LINGO2: variants seen among roughly 807,000 people sequenced by gnomAD.
LINGO2 encodes the protein leucine rich repeat and Ig domain containing 2.
In LINGO2, 14 loss-of-function variants were observed where a neutral mutation model predicts 30.6. That is an observed-to-expected ratio of 0.46 (90% CI 0.30 to 0.72). LINGO2 has a LOEUF of 0.72. Among genes scored for constraint, LINGO2 ranks in the 30% least tolerant of loss-of-function variants. The probability of loss-of-function intolerance (pLI) is 0.07; values close to 1 mark genes in which losing one functional copy is unlikely to be tolerated. For missense variants in LINGO2, 729 were observed against 751.7 expected, an observed-to-expected ratio of 0.97 and a Z score of 0.35; for synonymous variants, 317 against 288.5, an observed-to-expected ratio of 1.10 and a Z score of -1.00.
At chr9:29,047,903 A>T in the LINGO2 span, among the ~76,000 whole-genome samples, 3 of 150,644 alleles carry the variant, frequency 2.0e-5, no homozygotes, top group African/African-American at 7.3e-5. Flanking sequence ...GAGGAGTTTG[A>T]GACCAGCCTG....
intron 1 of LINGO2, among the ~76,000 whole-genome samples, chr9:28,496,942 T>C (rs1319335943): frequency 2.6e-5 from 4 of 152,300 alleles, no homozygotes; most frequent in African/African-American, 9.6e-5. Flanking sequence ...GGATATGAAA[T>C]TCTGGGTTGA....
the LINGO2 span, chr9:28,889,048 T>A: frequency 2.4e-6 from 1 of 416,700 alleles, no homozygotes; most frequent in Admixed American, 2.6e-5. Flanking sequence ...CCCTGGAGTA[T>A]CTTCAGCAGC....
chr9:28,811,459 A>T, the LINGO2 span, among the ~76,000 whole-genome samples: 1 of 152,138 alleles, frequency 6.6e-6, no homozygotes, highest in Non-Finnish European at 1.5e-5. Context: ...ATTATCGAAT[A>T]TCTTCTTATT....
the LINGO2 span, among the ~76,000 whole-genome samples, chr9:28,875,351 T>C: frequency 2.0e-5 from 3 of 152,134 alleles, no homozygotes; most frequent in African/African-American, 7.2e-5. Context: ...ACATATTTTA[T>C]GTGAGAACCA....
At chr9:28,808,578 C>A in the LINGO2 span, among the ~76,000 whole-genome samples, 138 of 152,258 alleles carry the variant, frequency 9.1e-4, no homozygotes, top group African/African-American at 3.2e-3. Context: ...TATAGAATCC[C>A]AGTTTTGTAA....
chr9:28,798,907 A>C, the LINGO2 span, among the ~76,000 whole-genome samples: 1 of 152,158 alleles, frequency 6.6e-6, no homozygotes. Flanking sequence ...TTATATGAAT[A>C]ATGAATTGTA....
intron 1 of LINGO2, among the ~76,000 whole-genome samples, chr9:28,660,830 A>G (rs1588039640): frequency 6.6e-6 from 1 of 152,206 alleles, no homozygotes; most frequent in African/African-American, 2.4e-5. Context: ...AAAAGATTTT[A>G]GATGAATATA....
At chr9:28,840,807 G>A in the LINGO2 span, among the ~76,000 whole-genome samples, 1 of 151,870 alleles carries the variant, frequency 6.6e-6, no homozygotes, top group Non-Finnish European at 1.5e-5. Flanking sequence ...GTAAGATGTG[G>A]TGTGAGGTCT....
At chr9:28,702,170 C>G in the LINGO2 span, among the ~76,000 whole-genome samples, 1 of 151,862 alleles carries the variant, frequency 6.6e-6, no homozygotes, top group Non-Finnish European at 1.5e-5. Context: ...TGAAAAGGAG[C>G]AGTGAGTGGG....
intron 5 of LINGO2, among the ~76,000 whole-genome samples, chr9:27,962,292 C>T (rs544889875): frequency 6.6e-5 from 10 of 152,010 alleles, no homozygotes; most frequent in East Asian, 2.0e-4. Flanking sequence ...AAGTAATTGG[C>T]ATCTTATTTC....
chr9:28,343,379 G>A (rs575538727), intron 3 of LINGO2, among the ~76,000 whole-genome samples: 12 of 152,212 alleles, frequency 7.9e-5, no homozygotes, highest in South Asian at 4.1e-4. Flanking sequence ...CATCTCTTCC[G>A]TTTCTTGGAC....
At chr9:28,386,135 G>C (rs1364174833) in intron 2 of LINGO2, among the ~76,000 whole-genome samples, 1 of 152,152 alleles carries the variant, frequency 6.6e-6, no homozygotes, top group Non-Finnish European at 1.5e-5. Flanking sequence ...CTGTTCCAAA[G>C]ATTTCAGAAG....
intron 1 of LINGO2, among the ~76,000 whole-genome samples, chr9:28,643,119 C>T (rs1480704826): frequency 6.6e-6 from 1 of 151,994 alleles, no homozygotes; most frequent in Non-Finnish European, 1.5e-5. Context: ...TTTCCCAAAG[C>T]AATCTACAGA....
intron 1 of LINGO2, among the ~76,000 whole-genome samples, chr9:28,659,372 T>A (rs149366417): frequency 0.013 from 1,912 of 152,126 alleles, 25 homozygotes; most frequent in Non-Finnish European, 0.019. Context: ...TGAAAAAATA[T>A]TAAATATTGC....
At chr9:28,352,115 A>C (rs946243794) in intron 3 of LINGO2, among the ~76,000 whole-genome samples, 11 of 149,340 alleles carry the variant, frequency 7.4e-5, no homozygotes, top group Admixed American at 4.7e-4. Context: ...CTCTCTCACC[A>C]CTCCTATTCA....
the LINGO2 span, among the ~76,000 whole-genome samples, chr9:28,826,454 G>A: frequency 0.19 from 29,329 of 151,944 alleles, 3,012 homozygotes; most frequent in Non-Finnish European, 0.23. Flanking sequence ...GCTGGGAGTT[G>A]GATATTGGGA....
intron 4 of LINGO2, among the ~76,000 whole-genome samples, chr9:28,021,730 A>G (rs953845780): frequency 5.3e-5 from 8 of 152,116 alleles, no homozygotes; most frequent in African/African-American, 1.9e-4. Context: ...ACCTATTTAT[A>G]TAATGCTCTT....
At chr9:28,882,254 T>C in the LINGO2 span, among the ~76,000 whole-genome samples, 1 of 152,220 alleles carries the variant, frequency 6.6e-6, no homozygotes, top group Non-Finnish European at 1.5e-5. Flanking sequence ...TAAAATTCAC[T>C]TAGCCACTAA....
chr9:28,939,634 T>C, the LINGO2 span, among the ~76,000 whole-genome samples: 1 of 152,166 alleles, frequency 6.6e-6, no homozygotes, highest in African/African-American at 2.4e-5. Context: ...AATACTATAA[T>C]TACTTATTGG....
Sources: allele counts gnomAD v4.1 joint callset (sites outside exome capture counted in the v4.1 genomes callset), GRCh38; gene constraint gnomAD v4.1.1; transcripts MANE v1.5; gene names NCBI Gene and HGNC (gene_info 2026-07-23, HGNC 2026-07-21).